The following ASTN2 variants were observed in gnomAD, a reference collection of about 807,000 sequenced individuals.
The protein encoded by ASTN2 is astrotactin 2.
In ASTN2, 54 loss-of-function variants were observed where a neutral mutation model predicts 139.8. That is an observed-to-expected ratio of 0.39 (90% CI 0.31 to 0.48). ASTN2 has a LOEUF of 0.48. Ranked by LOEUF, ASTN2 falls within the 20% of genes least tolerant of loss-of-function variation. ASTN2 has a pLI of 0.95. For missense variants in ASTN2, 1,565 were observed against 1,725.1 expected (o/e 0.91, Z 1.64); for synonymous variants, 756 against 719.5 (o/e 1.05, Z -0.81).
chr9:116,640,544 T>C (rs1857277294), intron 17 of ASTN2, among the ~76,000 whole-genome samples: 1 of 152,208 alleles, frequency 6.6e-6, no homozygotes, highest in African/African-American at 2.4e-5. Flanking sequence ...GGGAATAGCC[T>C]GTGCAAAGTC....
chr9:116,977,842 G>C (rs10983439), intron 7 of ASTN2, among the ~76,000 whole-genome samples: 5,545 of 149,690 alleles, frequency 0.037, 198 homozygotes, highest in Non-Finnish European at 0.044. Flanking sequence ...TCAGCCTCCC[G>C]AGTAGCTGGG....
At chr9:116,962,325 C>T (rs1323420678) in intron 10 of ASTN2, among the ~76,000 whole-genome samples, 3 of 152,184 alleles carry the variant, frequency 2.0e-5, no homozygotes, top group Non-Finnish European at 4.4e-5. Flanking sequence ...AGAGGTTGGC[C>T]AGCTTGACTA....
intron 1 of ASTN2, among the ~76,000 whole-genome samples, chr9:117,374,387 A>AAAAAAAAAAAAAAAAAAAAAAAAC (rs1830067060): frequency 6.6e-6 from 1 of 151,068 alleles, no homozygotes; most frequent in African/African-American, 2.4e-5. Context: ...AAAAAAAAAA[A>AAAAAAAAAAAAAAAAAAAAAAAAC]AAAAAAGCAC....
At chr9:117,186,463 T>C (rs1040115410) in intron 3 of ASTN2, among the ~76,000 whole-genome samples, 2 of 151,870 alleles carry the variant, frequency 1.3e-5, no homozygotes, top group Admixed American at 6.6e-5. Flanking sequence ...AGGAGAATGG[T>C]GCGGGCCTGG....
intron 3 of ASTN2, among the ~76,000 whole-genome samples, chr9:117,193,944 G>A (rs1437136844): frequency 6.8e-6 from 1 of 146,412 alleles, no homozygotes; most frequent in Non-Finnish European, 1.5e-5. Context: ...TCCCATGCAG[G>A]GAGCAGAGGG....
chr9:116,535,123 CTTT>C (rs1851556194), intron 19 of ASTN2, among the ~76,000 whole-genome samples: 2 of 152,314 alleles, frequency 1.3e-5, no homozygotes, highest in East Asian at 3.9e-4. Context: ...TAATGGCCTT[CTTT>C]GTCTCTTTTG....
Position 117,232,997 on chromosome 9 carries a change from A to G in ASTN2, c.631-18255T>C, listed in dbSNP as rs148244067. 1.8e-4 allele frequency among the ~76,000 whole-genome samples: 27 copies of G among 151,612 alleles called. 1 individual carries two copies. Among genetic ancestry groups the G allele is most frequent in the African/African-American group, 5.3e-4 (22 of 41,286 alleles). Reference sequence around the variant, plus strand: ...TCAGGGATGAGTTCTGGCATTATCTACTTCCTTCCCTGGCTCTGCCTGGAT... The same window carrying G: ...TCAGGGATGAGTTCTGGCATTATCTGCTTCCTTCCCTGGCTCTGCCTGGAT... On this transcript the variant is annotated intron_variant, in intron 2 of 22. Coordinates refer to ENST00000313400, the MANE Select transcript of ASTN2 (RefSeq NM_001365068.1).
chr9:117,355,740 C>T (rs549810570), intron 1 of ASTN2, among the ~76,000 whole-genome samples: 1 of 152,224 alleles, frequency 6.6e-6, no homozygotes, highest in South Asian at 2.1e-4. Flanking sequence ...CAGAGTCTGT[C>T]GGCAATCAAA....
intron 19 of ASTN2, among the ~76,000 whole-genome samples, chr9:116,573,324 C>T (rs1290405167): frequency 3.3e-5 from 5 of 152,154 alleles, no homozygotes; most frequent in Non-Finnish European, 5.9e-5. Flanking sequence ...AACATTACCT[C>T]CCATGAGACA....
intron 16 of ASTN2, among the ~76,000 whole-genome samples, chr9:116,673,753 C>T (rs1362181839): frequency 6.6e-6 from 1 of 152,154 alleles, no homozygotes; most frequent in Non-Finnish European, 1.5e-5. Context: ...GAGAATATGG[C>T]CCTGGTGACA....
intron 10 of ASTN2, among the ~76,000 whole-genome samples, chr9:116,878,059 CA>C (rs1242075533): frequency 1.3e-5 from 2 of 152,166 alleles, no homozygotes; most frequent in Admixed American, 1.3e-4. Context: ...CAAGAAACAA[CA>C]GATGCTGGTG....
chr9:117,343,956 G>A (rs1829136388), intron 1 of ASTN2, among the ~76,000 whole-genome samples: 1 of 152,176 alleles, frequency 6.6e-6, no homozygotes, highest in East Asian at 1.9e-4. Flanking sequence ...GAGAGAAGAA[G>A]GAAGGAGGGG....
chr9:116,992,758 C>G (rs1188845012), intron 7 of ASTN2, among the ~76,000 whole-genome samples: 1 of 152,154 alleles, frequency 6.6e-6, no homozygotes, highest in Non-Finnish European at 1.5e-5. Flanking sequence ...ACTCTGATGT[C>G]AAAGCATGAA....
intron 12 of ASTN2, among the ~76,000 whole-genome samples, chr9:116,814,001 G>A (rs1330974422): frequency 4.1e-5 from 6 of 147,702 alleles, no homozygotes; most frequent in Admixed American, 6.8e-5. Flanking sequence ...GTGCCATTGC[G>A]CTCCAGCCTG....
chr9:116,961,315 C>A (rs1313438340), intron 10 of ASTN2, among the ~76,000 whole-genome samples: 1 of 152,050 alleles, frequency 6.6e-6, no homozygotes, highest in African/African-American at 2.4e-5. Context: ...CCATCTATCT[C>A]CAGAAGTCTT....
chr9:117,391,816 G>A (rs1830548554), intron 1 of ASTN2, among the ~76,000 whole-genome samples: 1 of 152,116 alleles, frequency 6.6e-6, no homozygotes, highest in Non-Finnish European at 1.5e-5. Context: ...AAGCAAGTTA[G>A]TTACTTCCTA....
At position 116,424,265 on chromosome 9, in the gene ASTN2, T is replaced by A. The variant is rs1847249715; in HGVS notation, c.*1586A>T. 6.6e-6 allele frequency among the ~76,000 whole-genome samples: 1 copy of A among 152,158 alleles called. No individual in the cohort carries two copies. Among genetic ancestry groups the A allele is most frequent in the Admixed American group, 6.5e-5 (1 of 15,282 alleles). On this transcript the variant is annotated 3_prime_UTR_variant, in exon 23 of 23. Transcript: ENST00000313400. ...ATTCCAGTGTTGGTATGTCACCCCC[T>A]AAGCTATCATCACCTCCTTCATGGA...
Position 116,698,464 on chromosome 9 carries a change from A to C in ASTN2, c.2806+27307T>G. ...GTGCAGGCTGTGTCTCGCTGTGACT[A>C]CTTCCTGGCCAAGATCAAGCAGGCA... On this transcript the variant is annotated intron_variant, in intron 16 of 22. Coordinates refer to ENST00000313400, the MANE Select transcript of ASTN2 (RefSeq NM_001365068.1). The surrounding 1 kb of genome is among the most constrained non-coding windows in gnomAD (Gnocchi z 4.4). The C allele has an allele frequency of 6.2e-7, 1 of 1,613,918 alleles. No individual in the cohort carries two copies. Among genetic ancestry groups the C allele is most frequent in the Non-Finnish European group, 8.5e-7 (1 of 1,180,010 alleles).
chr9:116,490,815 A>G (rs2119098500), intron 19 of ASTN2, among the ~76,000 whole-genome samples: 1 of 152,346 alleles, frequency 6.6e-6, no homozygotes, highest in Middle Eastern at 3.4e-3. Flanking sequence ...CATGGGGATT[A>G]TGGGAACTAC....
Sources: gnomAD v4.1 joint callset for allele counts (sites outside exome capture counted in the v4.1 genomes callset) on GRCh38, gnomAD v4.1.1 for gene constraint, Gnocchi (gnomAD v3.1) non-coding constraint, MANE v1.5 for transcripts, NCBI Gene and HGNC (gene_info 2026-07-23, HGNC 2026-07-21) for gene names.